The following HOXC5 variants were observed in gnomAD, a reference collection of about 807,000 sequenced individuals.
HOXC5 encodes homeobox C5.
HOXC5 carries 19 observed loss-of-function variants against 20.1 expected under a neutral mutation model. The observed-to-expected ratio is 0.94, with a 90% CI of 0.66 to 1.38. The LOEUF is 1.38. Among genes scored for constraint, HOXC5 ranks in the 40% most tolerant of loss-of-function variants. HOXC5 has a pLI of 0.00. For synonymous variants in HOXC5, 124 were observed against 117.0 expected (o/e 1.06, Z -0.39); for missense variants, 330 against 300.1 (o/e 1.10, Z -0.74).
At chr12:54,030,717 AAAATAAAT>A (rs1185935317), upstream of HOXC5, 1 of 152,726 alleles carries the variant, frequency 6.5e-6, no homozygotes, top group South Asian at 2.1e-4. Flanking sequence ...CCAGTAGGAG[AAAATAAAT>A]AAATAAATAA....
the HOXC5 span, among the ~76,000 whole-genome samples, chr12:54,019,408 A>G: frequency 1.3e-5 from 2 of 152,048 alleles, no homozygotes; most frequent in Non-Finnish European, 2.9e-5. Flanking sequence ...GGGACCTGAA[A>G]AGGGCAAAGG....
the HOXC5 span, among the ~76,000 whole-genome samples, chr12:54,019,731 C>G: frequency 6.6e-6 from 1 of 152,126 alleles, no homozygotes; most frequent in African/African-American, 2.4e-5. Flanking sequence ...CTAGAACGAC[C>G]TCACTGAGTG....
At chr12:54,027,803 T>A in the HOXC5 span, among the ~76,000 whole-genome samples, 1 of 152,236 alleles carries the variant, frequency 6.6e-6, no homozygotes, top group African/African-American at 2.4e-5. Flanking sequence ...CTTGCCCCTT[T>A]AGACCTAGTT....
Position 54,033,436 on chromosome 12 carries a change from GC to G in HOXC5, c.317del (p.Pro106ArgfsTer26). The G allele has an allele frequency of 6.9e-6, 11 of 1,601,894 alleles. No individual in the cohort carries two copies. The highest frequency in any genetic ancestry group is 9.4e-6 in the Non-Finnish European group (11 of 1,175,186). The part of the protein sequence containing the change: ...NPGMYSQKAA[R>X]PALEERAKSS... ...GGGATGTACAGTCAGAAGGCGGCTC[GC>G]CCGGCGCTGGAGGAGCGAGCTAAGA... On this transcript the variant is annotated frameshift_variant, in exon 1 of 2. Transcript: ENST00000312492. LOFTEE classifies it high-confidence loss of function.
rs1252131460 is a variant in HOXC5 at position 54,033,266 on chromosome 12, T to C, written c.144T>C (p.Thr48=). ...YCYGGLDLSI[T]FPPPAPSNSL... is the part of the protein sequence containing the mutation. ...ACGGCGGATTGGACTTAAGCATCACTTTCCCACCGCCTGCGCCTTCCAACT... is the reference window on the plus strand; with the variant it reads ...ACGGCGGATTGGACTTAAGCATCACCTTCCCACCGCCTGCGCCTTCCAACT... Residue 48 remains threonine, a synonymous_variant, in exon 1 of 2, where the codon ACT becomes ACC. Coordinates refer to ENST00000312492, the MANE Select transcript of HOXC5 (RefSeq NM_018953.4). 1 of 1,614,116 alleles carries C rather than the reference T, an allele frequency of 6.2e-7. No homozygotes were observed.
At chr12:54,031,982 G>A (rs1051853306), upstream of HOXC5, among the ~76,000 whole-genome samples, 1 of 152,168 alleles carries the variant, frequency 6.6e-6, no homozygotes, top group African/African-American at 2.4e-5. Flanking sequence ...GGCACATAAC[G>A]GGCCTTTTCC....
the HOXC5 span, among the ~76,000 whole-genome samples, chr12:54,018,032 G>T: frequency 3.3e-5 from 5 of 152,192 alleles, no homozygotes; most frequent in Admixed American, 3.3e-4. Flanking sequence ...TTGGCAATTA[G>T]GGGGGAGGCT....
At chr12:54,028,246 C>CAT (rs147627891), upstream of HOXC5, 17,723 of 148,930 alleles carry the variant, frequency 0.12, 1,068 homozygotes, top group Non-Finnish European at 0.14. Flanking sequence ...AGTTCCCTTA[C>CAT]ATATATATAT....
At chr12:54,020,501 G>C in the HOXC5 span, 1 of 152,192 alleles carries the variant, frequency 6.6e-6, no homozygotes, top group Non-Finnish European at 1.5e-5. Context: ...ACCTTGTTGG[G>C]TTGGCTGTGT....
chr12:54,033,286 C>A lies in HOXC5; in HGVS notation c.164C>A (p.Ser55Tyr). The A allele has an allele frequency of 6.2e-7, 1 of 1,614,210 alleles. No homozygotes were observed. Among genetic ancestry groups the A allele is most frequent in the Non-Finnish European group, 8.5e-7 (1 of 1,180,050 alleles). ...ATCACTTTCCCACCGCCTGCGCCTT[C>A]CAACTCTCTCCACGGGGTAGACATG... ...LSITFPPPAP[S>Y]NSLHGVDMAA... The change falls in exon 1 of 2, where the codon TCC (serine) becomes TAC (tyrosine). Residue 55 changes from serine to tyrosine, a missense_variant. By Grantham distance (144) the Ser-to-Tyr change is moderately radical. Coordinates refer to ENST00000312492, the MANE Select transcript of HOXC5 (RefSeq NM_018953.4).
At chr12:54,020,389 G>A in the HOXC5 span, 2 of 152,228 alleles carry the variant, frequency 1.3e-5, no homozygotes. Context: ...TGTATTTCAT[G>A]TGCTGGTTCC....
chr12:54,033,367 C>A lies in HOXC5; in HGVS notation c.245C>A (p.Pro82Gln), dbSNP rs752909041. Residue 82 changes from proline (P) to glutamine (Q), a missense_variant, in exon 1 of 2, where the codon CCG becomes CAG. Transcript: ENST00000312492. ...DRPACSAAAA[P>Q]GHAPGRDEAA... ...CCCGCCTGCAGCGCCGCGGCCGCTC[C>A]GGGACACGCTCCGGGCAGAGACGAA... 1.2e-6 allele frequency: 2 copies of A among 1,612,778 alleles called. No individual in the cohort carries two copies. The highest frequency in any genetic ancestry group is 3.3e-5 in the Admixed American group (2 of 59,962).
At chr12:54,031,190 G>C (rs1940971962), upstream of HOXC5, among the ~76,000 whole-genome samples, 1 of 152,254 alleles carries the variant, frequency 6.6e-6, no homozygotes, top group South Asian at 2.1e-4. Context: ...CGAAAGACCA[G>C]TAAAGAAGCA....
At chr12:54,024,968 C>T in the HOXC5 span, among the ~76,000 whole-genome samples, 1,223 of 152,248 alleles carry the variant, frequency 8.0e-3, 14 homozygotes, top group African/African-American at 0.027. Flanking sequence ...TTTTTGAATT[C>T]TGTTTTTGAA....
At chr12:54,028,944 A>G (rs367798571), upstream of HOXC5, 23 of 1,579,630 alleles carry the variant, frequency 1.5e-5, no homozygotes, top group African/African-American at 2.8e-4. Flanking sequence ...GCTCCGAGAT[A>G]TAAATTAAAT....
chr12:54,023,685 A>T, the HOXC5 span, among the ~76,000 whole-genome samples: 1 of 151,346 alleles, frequency 6.6e-6, no homozygotes, highest in Non-Finnish European at 1.5e-5. Flanking sequence ...AAATATTAGC[A>T]CCCCCAAATG....
upstream of HOXC5, chr12:54,032,773 G>A (rs529403740): frequency 1.2e-5 from 2 of 171,584 alleles, no homozygotes; most frequent in South Asian, 1.6e-4. Context: ...TTGTTGTCCC[G>A]GCTACCCCCA....
chr12:54,029,508 G>C (rs1452305107), upstream of HOXC5: 1 of 756,886 alleles, frequency 1.3e-6, no homozygotes, highest in South Asian at 2.0e-5. Context: ...AGTGGGGGTG[G>C]GGCAAGGCAA....
At chr12:54,029,967 G>C, upstream of HOXC5, 2 of 1,538,780 alleles carry the variant, frequency 1.3e-6, no homozygotes, top group Non-Finnish European at 1.8e-6. Flanking sequence ...GAGTGACCAG[G>C]ACTGTCCCTG....
Sources: allele counts gnomAD v4.1 joint callset (sites outside exome capture counted in the v4.1 genomes callset), GRCh38; gene constraint gnomAD v4.1.1; transcripts MANE v1.5; gene names NCBI Gene and HGNC (gene_info 2026-07-23, HGNC 2026-07-21).